The following OPCML variants were observed in gnomAD, a reference collection of about 807,000 sequenced individuals.
The protein encoded by OPCML is opioid-binding protein/cell adhesion molecule.
Under a neutral mutation model 37.8 loss-of-function variants are expected in OPCML, and 13 were observed. The ratio of observed to expected loss-of-function variants is 0.34; its 90% CI spans 0.22 to 0.55. The LOEUF is 0.55. OPCML is among the 20% of genes least tolerant of loss of function. The pLI is 0.91. For synonymous variants in OPCML, 176 were observed against 168.8 expected, an observed-to-expected ratio of 1.04 and a Z score of -0.33; for missense variants, 341 against 435.6, an observed-to-expected ratio of 0.78 and a Z score of 1.93.
intron 2 of OPCML, among the ~76,000 whole-genome samples, chr11:132,938,463 C>T (rs911893598): frequency 4.6e-5 from 7 of 151,980 alleles, no homozygotes; most frequent in African/African-American, 1.7e-4. Context: ...ATGGAGCAGA[C>T]AAAACTGAAA....
intron 1 of OPCML, among the ~76,000 whole-genome samples, chr11:133,072,967 A>T (rs1948561323): frequency 6.6e-6 from 1 of 152,214 alleles, no homozygotes; most frequent in Non-Finnish European, 1.5e-5. Context: ...GACTGGTGTG[A>T]GAGAAAGGGA....
chr11:133,290,268 A>T (rs1942440540), intron 1 of OPCML, among the ~76,000 whole-genome samples: 1 of 152,158 alleles, frequency 6.6e-6, no homozygotes, highest in African/African-American at 2.4e-5. Context: ...GAGGGATGGT[A>T]GAGTTGCCAT....
chr11:132,465,793 T>C (rs1191636359), intron 4 of OPCML, among the ~76,000 whole-genome samples: 1 of 152,252 alleles, frequency 6.6e-6, no homozygotes, highest in Non-Finnish European at 1.5e-5. Context: ...ATATACTTTT[T>C]AATGCTTTTT....
intron 4 of OPCML, among the ~76,000 whole-genome samples, chr11:132,512,870 C>A (rs907727622): frequency 2.0e-5 from 3 of 151,746 alleles, no homozygotes; most frequent in Non-Finnish European, 4.4e-5. Flanking sequence ...AACAGGGAAG[C>A]TTTTGAGGTA....
intron 2 of OPCML, among the ~76,000 whole-genome samples, chr11:132,715,573 T>C (rs1944440820): frequency 6.6e-6 from 1 of 152,158 alleles, no homozygotes; most frequent in African/African-American, 2.4e-5. Flanking sequence ...GGGGTCCTCA[T>C]GAATGGGATT....
At chr11:133,069,871 T>C (rs1948497023) in intron 1 of OPCML, among the ~76,000 whole-genome samples, 2 of 152,162 alleles carry the variant, frequency 1.3e-5, no homozygotes, top group Admixed American at 1.3e-4. Flanking sequence ...GGGGGACACA[T>C]GAACGATTCT....
chr11:132,698,506 G>A (rs1001766750), intron 2 of OPCML, among the ~76,000 whole-genome samples: 5 of 152,068 alleles, frequency 3.3e-5, no homozygotes, highest in African/African-American at 1.2e-4. Context: ...TTGTCATTAA[G>A]TTGAGTTTGT....
At chr11:132,505,307 G>A (rs1012111017) in intron 4 of OPCML, among the ~76,000 whole-genome samples, 2 of 152,104 alleles carry the variant, frequency 1.3e-5, no homozygotes, top group Non-Finnish European at 2.9e-5. Context: ...TTTAATAAAT[G>A]ACTTCTATTG....
intron 3 of OPCML, among the ~76,000 whole-genome samples, chr11:132,601,399 C>G (rs1231890828): frequency 6.6e-6 from 1 of 152,124 alleles, no homozygotes; most frequent in Non-Finnish European, 1.5e-5. Context: ...TAGAACAGCC[C>G]AATTTTAAAG....
chr11:132,963,993 G>T (rs891036001), intron 1 of OPCML, among the ~76,000 whole-genome samples: 1 of 152,084 alleles, frequency 6.6e-6, no homozygotes, highest in African/African-American at 2.4e-5. Flanking sequence ...GGCAGGTCAG[G>T]CTTGTGCCCA....
At chr11:133,532,185 C>A (rs1948620610) in intron 1 of OPCML, 79 bp downstream of exon 1, 32 of 1,562,760 alleles carry the variant, frequency 2.0e-5, no homozygotes, top group Non-Finnish European at 2.8e-5. Context: ...CCTTGCCTCT[C>A]CATCTCCCCA....
At chr11:133,304,021 A>T (rs1220774304) in intron 1 of OPCML, among the ~76,000 whole-genome samples, 1 of 152,212 alleles carries the variant, frequency 6.6e-6, no homozygotes, top group Non-Finnish European at 1.5e-5. Context: ...AGTCAAGTTT[A>T]TGTGTCATAT....
chr11:133,510,159 T>A (rs1948123822), intron 1 of OPCML, among the ~76,000 whole-genome samples: 1 of 152,190 alleles, frequency 6.6e-6, no homozygotes, highest in Non-Finnish European at 1.5e-5. Flanking sequence ...GAGCAGCCAA[T>A]GAGCAGTGCC....
At chr11:132,871,715 G>A (rs371806229) in intron 2 of OPCML, among the ~76,000 whole-genome samples, 34 of 152,308 alleles carry the variant, frequency 2.2e-4, no homozygotes, top group South Asian at 1.2e-3. Context: ...CTCAGACTAC[G>A]CACTCAAATA....
At chr11:133,398,363 C>T (rs552682709) in intron 1 of OPCML, among the ~76,000 whole-genome samples, 1 of 152,236 alleles carries the variant, frequency 6.6e-6, no homozygotes, top group East Asian at 1.9e-4. Context: ...AGGACAGAGC[C>T]ATCTCTCAAG....
At chr11:133,247,540 T>TTTTCTTTCTTCCTTTCTTTCTTTCTTTC (rs1419012669) in intron 1 of OPCML, among the ~76,000 whole-genome samples, 15 of 122,408 alleles carry the variant, frequency 1.2e-4, no homozygotes, top group Non-Finnish European at 1.6e-4. Context: ...CTTTCCTTCT[T>TTTTCTTTCTTCCTTTCTTTCTTTCTTTC]TTTCTTTCTT....
intron 1 of OPCML, among the ~76,000 whole-genome samples, chr11:132,955,877 C>A (rs909017876): frequency 5.9e-5 from 9 of 152,138 alleles, no homozygotes; most frequent in African/African-American, 2.2e-4. Context: ...AGCAAGACAC[C>A]ATCTCAAAAA....
Position 133,205,708 on chromosome 11 carries a change from A to AT in OPCML, c.62-262699dup, listed in dbSNP as rs999164090. On this transcript the variant is annotated intron_variant, in intron 1 of 7. Coordinates refer to ENST00000524381, the MANE Select transcript of OPCML (RefSeq NM_001012393.5). The surrounding 1 kb of genome is among the most constrained non-coding windows in gnomAD (Gnocchi z 4.8). The stretch of plus-strand genomic sequence containing the variant: ...CAAGAGAGTAGGAAAAACATTTAGT[A>AT]TTTTTTTTCCTTGTCTTTAAGAATT... Among the ~76,000 whole-genome samples, 6 of 152,188 alleles carry AT rather than the reference A, an allele frequency of 3.9e-5. No homozygotes were observed. Among genetic ancestry groups the AT allele is most frequent in the Non-Finnish European group, 5.9e-5 (4 of 68,004 alleles).
At chr11:133,060,378 A>C (rs1284702583) in intron 1 of OPCML, among the ~76,000 whole-genome samples, 2 of 152,228 alleles carry the variant, frequency 1.3e-5, no homozygotes, top group Non-Finnish European at 2.9e-5. Flanking sequence ...CAGAACCTCT[A>C]AAATATAAGC....
Sources: allele counts gnomAD v4.1 joint callset (sites outside exome capture counted in the v4.1 genomes callset), GRCh38; gene constraint gnomAD v4.1.1; non-coding constraint Gnocchi (gnomAD v3.1); transcripts MANE v1.5; gene names NCBI Gene and HGNC (gene_info 2026-07-23, HGNC 2026-07-21).